Variants in INPP4B observed in about 807,000 individuals in gnomAD.
The protein encoded by INPP4B is inositol polyphosphate-4-phosphatase type II B.
In INPP4B, 55 loss-of-function variants were observed where a neutral mutation model predicts 122.5. That is an observed-to-expected ratio of 0.45 (90% CI 0.36 to 0.56). The LOEUF (loss-of-function observed/expected upper bound fraction) is 0.56, where lower values mean the gene tolerates loss of function less well. INPP4B is among the 20% of genes least tolerant of loss of function. The pLI is 0.00. For missense variants in INPP4B, 1,000 were observed against 1,097.7 expected (o/e 0.91, Z 1.26); for synonymous variants, 403 against 388.7 (o/e 1.04, Z -0.43).
At chr4:142,615,008 A>C (rs894803892) in intron 2 of INPP4B, among the ~76,000 whole-genome samples, 4 of 152,212 alleles carry the variant, frequency 2.6e-5, no homozygotes. Context: ...TAAAAATAGA[A>C]CTACCCTTTG....
chr4:142,664,355 G>C (rs1285892412), intron 2 of INPP4B, among the ~76,000 whole-genome samples: 1 of 152,060 alleles, frequency 6.6e-6, no homozygotes, highest in Non-Finnish European at 1.5e-5. Flanking sequence ...TCAACCTTGT[G>C]TCTAATACTC....
At chr4:142,791,078 C>G (rs1776493304) in intron 1 of INPP4B, among the ~76,000 whole-genome samples, 1 of 152,092 alleles carries the variant, frequency 6.6e-6, no homozygotes, top group Admixed American at 6.6e-5. Context: ...ACATTATTAT[C>G]TTTTGAACTT....
rs1781713363 is a variant in INPP4B, at chr4:142,828,488, C to T, written c.-254+17721G>A. ...ATATAATCATTCTTTTACATGAGTC[C>T]AAGGTTTAAAAGACTCTACTTAGAC... On this transcript the variant is annotated intron_variant, in intron 1 of 25. Coordinates refer to ENST00000262992, the MANE Select transcript of INPP4B (RefSeq NM_001101669.3). 2.0e-5 allele frequency among the ~76,000 whole-genome samples: 3 copies of T among 151,920 alleles called. No homozygotes were observed. In the South Asian group the frequency reaches 6.2e-4, roughly 32 times the overall value.
chr4:142,539,082 T>TATA (rs1560774393), intron 2 of INPP4B, among the ~76,000 whole-genome samples: 16 of 148,806 alleles, frequency 1.1e-4, no homozygotes, highest in African/African-American at 3.9e-4. Flanking sequence ...AATTGTTATT[T>TATA]TATATATATA....
chr4:142,123,737 T>C (rs1276514195), intron 19 of INPP4B, among the ~76,000 whole-genome samples: 2 of 152,162 alleles, frequency 1.3e-5, no homozygotes, highest in Non-Finnish European at 2.9e-5. Context: ...TACTATTTTT[T>C]GTACATGTAA....
At position 142,622,365 on chromosome 4, in the gene INPP4B, G is replaced by C. The variant is rs139314564; in HGVS notation, c.-191+103474C>G. On this transcript the variant is annotated intron_variant, in intron 2 of 25. Transcript: ENST00000262992. The stretch of plus-strand genomic sequence containing the variant: ...TCCCCATCCCTTAACCTCTCTCCAG[G>C]GTCCTGTACCAAGATGCCCAGGTGC... Among the ~76,000 whole-genome samples, 249 of 151,600 alleles carry C rather than the reference G, an allele frequency of 1.6e-3. 1 individual carries two copies. Among genetic ancestry groups the C allele is most frequent in the African/African-American group, 4.1e-3 (168 of 41,328 alleles).
intron 23 of INPP4B, among the ~76,000 whole-genome samples, chr4:142,086,529 T>C (rs1025299215): frequency 2.0e-5 from 3 of 152,102 alleles, no homozygotes; most frequent in African/African-American, 7.2e-5. Flanking sequence ...ACTTTTTGTA[T>C]TTTTTGCAGA....
rs11100747 is a variant in INPP4B, at chr4:142,349,282, G to A, written c.373-34520C>T. ...GAATAAGGACAACTGATATACGAGA[G>A]ATAAAAGAAATATTATGAATTACTT... On this transcript the variant is annotated intron_variant, in intron 7 of 25. Transcript: ENST00000262992. 5.7e-3 allele frequency among the ~76,000 whole-genome samples: 867 copies of A among 152,086 alleles called. 13 individuals are homozygous for A. Among genetic ancestry groups the A allele is most frequent in the African/African-American group, 0.018 (758 of 41,532 alleles).
At chr4:142,120,052 T>C (rs1795906358) in intron 21 of INPP4B, among the ~76,000 whole-genome samples, 5 of 151,946 alleles carry the variant, frequency 3.3e-5, no homozygotes, top group Admixed American at 2.0e-4. Flanking sequence ...AATTCTTCTC[T>C]TTCCATATAG....
At chr4:142,443,923 C>CA (rs1812367075) in intron 3 of INPP4B, among the ~76,000 whole-genome samples, 1 of 151,622 alleles carries the variant, frequency 6.6e-6, no homozygotes. Context: ...AAAGCAAAAG[C>CA]AAAAAAATAA....
intron 1 of INPP4B, among the ~76,000 whole-genome samples, chr4:142,764,228 A>C (rs1771756265): frequency 6.6e-6 from 1 of 152,144 alleles, no homozygotes; most frequent in African/African-American, 2.4e-5. Flanking sequence ...TCGTAAGTAA[A>C]AACTCACAAG....
intron 11 of INPP4B, among the ~76,000 whole-genome samples, chr4:142,242,470 C>T (rs1275567553): frequency 2.0e-5 from 3 of 152,172 alleles, no homozygotes; most frequent in African/African-American, 7.2e-5. Context: ...GATTTGAGAT[C>T]TTGGGTGGTT....
At chr4:142,485,509 T>C (rs576278155) in intron 2 of INPP4B, among the ~76,000 whole-genome samples, 1 of 152,290 alleles carries the variant, frequency 6.6e-6, no homozygotes, top group African/African-American at 2.4e-5. Flanking sequence ...AGAGACTCTA[T>C]CTACTTTGAT....
intron 2 of INPP4B, among the ~76,000 whole-genome samples, chr4:142,527,429 A>G (rs1236603271): frequency 6.6e-6 from 1 of 152,112 alleles, no homozygotes; most frequent in Non-Finnish European, 1.5e-5. Flanking sequence ...TGCAGAAAGC[A>G]TTAGCAGCAA....
chr4:142,373,584 G>A (rs1561956356), intron 7 of INPP4B, among the ~76,000 whole-genome samples: 1 of 151,780 alleles, frequency 6.6e-6, no homozygotes, highest in African/African-American at 2.4e-5. Context: ...TCCTCATCTA[G>A]AAAATGGGAA....
At chr4:142,070,943 A>C (rs560678326) in intron 25 of INPP4B, among the ~76,000 whole-genome samples, 1 of 152,302 alleles carries the variant, frequency 6.6e-6, no homozygotes, top group East Asian at 1.9e-4. Context: ...TGCCATCCCC[A>C]TCAAGCTACC....
At chr4:142,555,039 G>A (rs1478100215) in intron 2 of INPP4B, among the ~76,000 whole-genome samples, 1 of 152,128 alleles carries the variant, frequency 6.6e-6, no homozygotes, top group Non-Finnish European at 1.5e-5. Flanking sequence ...TTAAAAGACT[G>A]GCCCCCAGGA....
intron 2 of INPP4B, among the ~76,000 whole-genome samples, chr4:142,492,385 T>C (rs1286749871): frequency 6.6e-6 from 1 of 151,996 alleles, no homozygotes; most frequent in East Asian, 1.9e-4. Flanking sequence ...TTTGCAGGGC[T>C]CAGAAGAAGA....
chr4:142,281,111 T>C (rs1422693536), intron 9 of INPP4B, among the ~76,000 whole-genome samples: 1 of 151,894 alleles, frequency 6.6e-6, no homozygotes, highest in Non-Finnish European at 1.5e-5. Context: ...TATTTCATTT[T>C]TTTTTTTTGT....
Sources: allele counts gnomAD v4.1 joint callset (sites outside exome capture counted in the v4.1 genomes callset), GRCh38; gene constraint gnomAD v4.1.1; transcripts MANE v1.5; gene names NCBI Gene and HGNC (gene_info 2026-07-23, HGNC 2026-07-21).